MTCL1: variants seen among roughly 807,000 people sequenced by gnomAD.
The protein encoded by MTCL1 is microtubule cross-linking factor 1.
In MTCL1, 79 loss-of-function variants were observed where a neutral mutation model predicts 141.4. The ratio of observed to expected loss-of-function variants is 0.56; its 90% CI spans 0.47 to 0.67. MTCL1 has a LOEUF of 0.67. MTCL1 is among the 30% of genes least tolerant of loss of function. The pLI is 0.00. For missense variants in MTCL1, 2,177 were observed against 2,113.9 expected (o/e 1.03, Z -0.59); for synonymous variants, 914 against 875.8 (o/e 1.04, Z -0.77).
chr18:8,714,639 C>G (rs190036040), upstream of MTCL1, among the ~76,000 whole-genome samples: 12 of 152,128 alleles, frequency 7.9e-5, no homozygotes, highest in African/African-American at 2.9e-4. Context: ...GAGACTTACT[C>G]ACTGTCACGA....
intron 4 of MTCL1, among the ~76,000 whole-genome samples, chr18:8,757,972 TGTGAA>T (rs1186600362): frequency 6.6e-6 from 1 of 152,070 alleles, no homozygotes; most frequent in African/African-American, 2.4e-5. Flanking sequence ...GCTGCTCCTT[TGTGAA>T]GTGTTTTCAA....
In MTCL1 at chr18:8,824,888, TG is replaced by T. The variant is rs1194526003; in HGVS notation, c.3384del (p.Pro1129ArgfsTer29). On this transcript the variant is annotated frameshift_variant, in exon 15 of 17. Transcript: ENST00000359865. LOFTEE classifies it high-confidence loss of function. ...ACACACCCAACAGGGGCCACAATGGTGGGGGGCCGGACCTTTGGGCCGACAG... is the reference window on the plus strand; with the variant it reads ...ACACACCCAACAGGGGCCACAATGGTGGGGGCCGGACCTTTGGGCCGACAG... The T allele has an allele frequency of 1.2e-6, 2 of 1,613,356 alleles. No homozygotes were observed. Among genetic ancestry groups the T allele is most frequent in the Non-Finnish European group, 1.7e-6 (2 of 1,179,916 alleles).
At chr18:8,789,009 T>C (rs933221961) in intron 7 of MTCL1, among the ~76,000 whole-genome samples, 4 of 152,224 alleles carry the variant, frequency 2.6e-5, no homozygotes, top group African/African-American at 9.6e-5. Flanking sequence ...TGGTTTGGAA[T>C]GTGCGAGGCA....
At chr18:8,777,161 G>A (rs56908517) in intron 4 of MTCL1, among the ~76,000 whole-genome samples, 2,641 of 151,112 alleles carry the variant, frequency 0.017, 85 homozygotes, top group African/African-American at 0.06. Flanking sequence ...GCATGAACCC[G>A]GGAGGTGGAA....
At position 8,822,077 on chromosome 18, in the gene MTCL1, T is replaced by A. The variant is rs949012598; in HGVS notation, c.3188+579T>A. Among the ~76,000 whole-genome samples, 3 of 152,252 alleles carry A rather than the reference T, an allele frequency of 2.0e-5. No homozygotes were observed. The highest frequency in any genetic ancestry group is 7.2e-5 in the African/African-American group (3 of 41,462). ...ATTTCTTCTCAGGCAATTCAGCATT[T>A]CCAGATCGCCTCATCCTTGATTTTC... On this transcript the variant is annotated intron_variant, in intron 14 of 16. Coordinates refer to ENST00000359865, the Ensembl canonical transcript of MTCL1. This position sits in a 1 kb window ranked among gnomAD's most constrained non-coding sequence, Gnocchi z 4.6.
chr18:8,716,174 A>C (rs966464239), upstream of MTCL1, among the ~76,000 whole-genome samples: 1 of 152,250 alleles, frequency 6.6e-6, no homozygotes, highest in Non-Finnish European at 1.5e-5. Flanking sequence ...TGGTATAGAA[A>C]TTCTGTAGGA....
chr18:8,792,961 AT>A (rs1343711500), intron 7 of MTCL1, 36 bp from the exon 7 acceptor site: 1 of 1,609,846 alleles, frequency 6.2e-7, no homozygotes, highest in Non-Finnish European at 8.5e-7. Flanking sequence ...CAGAGTTCTC[AT>A]TTCCACTAAA....
At chr18:8,809,541 C>T in intron 11 of MTCL1, 1 of 1,536,184 alleles carries the variant, frequency 6.5e-7, no homozygotes, top group Non-Finnish European at 8.7e-7. Flanking sequence ...GTTGAAGAGC[C>T]TTGGGTTGCA....
chr18:8,741,187 G>A (rs936979157), intron 4 of MTCL1, among the ~76,000 whole-genome samples: 11 of 143,356 alleles, frequency 7.7e-5, no homozygotes, highest in Non-Finnish European at 1.6e-4. Flanking sequence ...GGAGTTTGAA[G>A]ATTGTCTGCA....
intron 4 of MTCL1, among the ~76,000 whole-genome samples, chr18:8,738,804 G>A (rs2096286688): frequency 6.6e-6 from 1 of 152,288 alleles, no homozygotes; most frequent in South Asian, 2.1e-4. Flanking sequence ...CTGAAAACTA[G>A]GCTCAACAGA....
intron 4 of MTCL1, among the ~76,000 whole-genome samples, chr18:8,742,392 T>C (rs982035647): frequency 1.4e-4 from 22 of 152,164 alleles, no homozygotes; most frequent in African/African-American, 5.3e-4. Flanking sequence ...AGAGGTTTAA[T>C]TGACTCACAG....
At chr18:8,821,681 A>G (rs541691575) in intron 14 of MTCL1, among the ~76,000 whole-genome samples, 183 bp downstream of exon 13, 1 of 152,330 alleles carries the variant, frequency 6.6e-6, no homozygotes, top group African/African-American at 2.4e-5. Context: ...TTATTAACAA[A>G]GAAGTTAGAC....
At chr18:8,790,050 T>C (rs1598676558) in intron 7 of MTCL1, among the ~76,000 whole-genome samples, 1 of 152,340 alleles carries the variant, frequency 6.6e-6, no homozygotes, top group East Asian at 1.9e-4. Context: ...TCTAAACCTG[T>C]CTGCTGTTGG....
intron 4 of MTCL1, among the ~76,000 whole-genome samples, chr18:8,748,771 G>A (rs562260969): frequency 2.0e-5 from 3 of 152,192 alleles, no homozygotes; most frequent in African/African-American, 7.2e-5. Context: ...AGCCAGTTCT[G>A]TCTTTCGGGA....
At chr18:8,809,545 G>A (rs2076410067) in intron 11 of MTCL1, 2 of 1,536,228 alleles carry the variant, frequency 1.3e-6, no homozygotes, top group South Asian at 1.2e-5. Context: ...AAGAGCCTTG[G>A]GTTGCAGAGA....
chr18:8,793,374 C>G (rs978571441), intron 8 of MTCL1, among the ~76,000 whole-genome samples: 18 of 90,794 alleles, frequency 2.0e-4, no homozygotes, highest in African/African-American at 9.8e-4. Context: ...CATACCTAAT[C>G]TAAACTTTCC....
In MTCL1 at chr18:8,783,448, C is replaced by T. The variant is rs376811768; in HGVS notation, c.418-82C>T. 6.3e-6 allele frequency: 8 copies of T among 1,263,272 alleles called. No homozygotes were observed. In the East Asian group the frequency reaches 1.3e-4, roughly 20 times the overall value. The allele number at this position is 1,263,272 out of a possible 1,614,324, so 78.3% of individuals were successfully genotyped here. On this transcript the variant is annotated intron_variant, in intron 5 of 16. Coordinates refer to ENST00000359865, the Ensembl canonical transcript of MTCL1. ...GTTTGATGTTTGTGTGCATTGGGGGCGAGGTGTGAGGGGAATCATGAAAAA... is the reference window on the plus strand; with the variant it reads ...GTTTGATGTTTGTGTGCATTGGGGGTGAGGTGTGAGGGGAATCATGAAAAA...
At chr18:8,725,776 CT>C (rs1220187127) in intron 4 of MTCL1, among the ~76,000 whole-genome samples, 18 of 111,014 alleles carry the variant, frequency 1.6e-4, no homozygotes, top group Admixed American at 1.8e-4. Context: ...GTGCCATTTT[CT>C]TTTTTTTTTT....
In MTCL1 at chr18:8,721,828, G is replaced by A. The variant is rs375804924; in HGVS notation, c.357+1332G>A. 9.8e-5 allele frequency among the ~76,000 whole-genome samples: 15 copies of A among 152,322 alleles called. 1 individual carries two copies. In the East Asian group the frequency reaches 1.7e-3, roughly 18 times the overall value. Reference sequence around the variant, plus strand: ...AGTGCCCCTTCGTATCACAAGCTCTGTGGGGCAGGGACAGGGGCTTTGTCT... The same window carrying A: ...AGTGCCCCTTCGTATCACAAGCTCTATGGGGCAGGGACAGGGGCTTTGTCT... On this transcript the variant is annotated intron_variant, in intron 4 of 16. Transcript: ENST00000359865.
Sources: allele counts gnomAD v4.1 joint callset (sites outside exome capture counted in the v4.1 genomes callset), GRCh38; gene constraint gnomAD v4.1.1; non-coding constraint Gnocchi (gnomAD v3.1); transcripts MANE v1.5; gene names NCBI Gene and HGNC (gene_info 2026-07-23, HGNC 2026-07-21).